RYR2: variants seen among roughly 807,000 people sequenced by gnomAD.
RYR2 encodes the protein cardiac muscle ryanodine receptor-calcium release channel.
In RYR2, 227 loss-of-function variants were observed where a neutral mutation model predicts 601.1. That is an observed-to-expected ratio of 0.38 (90% CI 0.34 to 0.42). The LOEUF is 0.42. Among genes scored for constraint, RYR2 ranks in the 10% least tolerant of loss-of-function variants. The pLI is 1.00. For synonymous variants in RYR2, 2,223 were observed against 2,175.1 expected (o/e 1.02, Z -0.61); for missense variants, 4,646 against 6,156.5 (o/e 0.75, Z 8.21).
chr1:237,209,516 T>TGTGTGTGTGTGTGTGTA (rs1260539665), intron 1 of RYR2, among the ~76,000 whole-genome samples: 1 of 148,106 alleles, frequency 6.8e-6, no homozygotes, highest in African/African-American at 2.5e-5. Flanking sequence ...TGTGTGTGTA[T>TGTGTGTGTGTGTGTGTA]TTTTTTTTTT....
intron 1 of RYR2, among the ~76,000 whole-genome samples, chr1:237,214,543 C>G (rs1012606325): frequency 6.6e-6 from 1 of 152,188 alleles, no homozygotes; most frequent in South Asian, 2.1e-4. Flanking sequence ...TGAGAACTCA[C>G]TCATTACTGC....
chr1:237,096,067 A>G (rs2148488695), intron 1 of RYR2, among the ~76,000 whole-genome samples: 1 of 152,320 alleles, frequency 6.6e-6, no homozygotes, highest in South Asian at 2.1e-4. Context: ...TGAAGGTCAT[A>G]GCCTCTGGGA....
Position 237,491,791 on chromosome 1 carries a change from T to A in RYR2, c.1709-15T>A, listed in dbSNP as rs1663379209. Reference sequence around the variant, plus strand: ...ATCATGTGTTTTTTTTCCTCTTTCTTTGTTTTATCTTTAGGCATTCTGGAA... The same window carrying A: ...ATCATGTGTTTTTTTTCCTCTTTCTATGTTTTATCTTTAGGCATTCTGGAA... On this transcript the variant is annotated splice_polypyrimidine_tract_variant and intron_variant, in intron 17 of 104. Transcript: ENST00000366574. 11 of 1,218,650 alleles carry A rather than the reference T, an allele frequency of 9.0e-6. No individual in the cohort carries two copies. The highest frequency in any genetic ancestry group is 1.3e-5 in the Non-Finnish European group (11 of 846,958). The allele number at this position is 1,218,650 out of a possible 1,614,324, so 75.5% of individuals were successfully genotyped here. A position where few individuals can be genotyped will look rare whatever the true frequency, so the allele number is the denominator to read the frequency against.
intron 1 of RYR2, among the ~76,000 whole-genome samples, chr1:237,103,877 T>C (rs538847586): frequency 1.3e-5 from 2 of 152,224 alleles, no homozygotes; most frequent in South Asian, 4.1e-4. Flanking sequence ...CCCCTGTCAA[T>C]TCTTTGAACA....
intron 43 of RYR2, among the ~76,000 whole-genome samples, chr1:237,634,557 A>G (rs1019405195): frequency 1.3e-5 from 2 of 152,194 alleles, no homozygotes; most frequent in African/African-American, 4.8e-5. Context: ...ACTATAGTTA[A>G]TAACAATGTA....
chr1:237,350,598 A>T (rs1397453768), intron 3 of RYR2, among the ~76,000 whole-genome samples: 1,502 of 82,578 alleles, frequency 0.018, 67 homozygotes, highest in African/African-American at 0.073. Context: ...AAAAAAAAAA[A>T]AAAAATATAT....
At chr1:237,314,395 C>T (rs1278250279) in intron 2 of RYR2, among the ~76,000 whole-genome samples, 1 of 152,126 alleles carries the variant, frequency 6.6e-6, no homozygotes, top group Non-Finnish European at 1.5e-5. Flanking sequence ...AATGCTTTCA[C>T]ATATCTCAAT....
chr1:237,411,662 C>T (rs530408513), intron 10 of RYR2, among the ~76,000 whole-genome samples: 2 of 152,174 alleles, frequency 1.3e-5, no homozygotes, highest in African/African-American at 4.8e-5. Context: ...TTCACAGTAA[C>T]CCAGTAAAAA....
chr1:237,262,244 A>ATTTTTTTT (rs1688596732), intron 1 of RYR2, among the ~76,000 whole-genome samples: 4 of 35,536 alleles, frequency 1.1e-4, no homozygotes, highest in Non-Finnish European at 2.3e-4. Flanking sequence ...TGTTCTAAAG[A>ATTTTTTTT]GTTTTTTTTT....
chr1:237,743,520 C>A (rs1260991297), intron 80 of RYR2: 2 of 506,170 alleles, frequency 4.0e-6, no homozygotes, highest in Non-Finnish European at 7.9e-6. Flanking sequence ...TTCTGAAGTG[C>A]ACAGCATTTA....
intron 11 of RYR2, among the ~76,000 whole-genome samples, chr1:237,421,670 G>A (rs1270359749): frequency 1.3e-5 from 2 of 152,120 alleles, no homozygotes; most frequent in Non-Finnish European, 2.9e-5. Flanking sequence ...TAATAAGTCT[G>A]TATGAACCCA....
intron 4 of RYR2, 72 bp downstream of exon 4, chr1:237,356,057 C>G: frequency 7.2e-7 from 1 of 1,389,550 alleles, no homozygotes; most frequent in Non-Finnish European, 1.0e-6. Flanking sequence ...TCTAATCTTT[C>G]ATTTTGCTTC....
chr1:237,394,178 G>A (rs1391218013), intron 10 of RYR2, among the ~76,000 whole-genome samples: 1 of 152,254 alleles, frequency 6.6e-6, no homozygotes, highest in African/African-American at 2.4e-5. Flanking sequence ...ATCTTCTTTT[G>A]TAAATTTCCA....
chr1:237,413,586 T>C (rs1704650434), intron 10 of RYR2, among the ~76,000 whole-genome samples: 1 of 152,154 alleles, frequency 6.6e-6, no homozygotes, highest in Admixed American at 6.6e-5. Flanking sequence ...TTACCTTATG[T>C]AATTGTTCCT....
chr1:237,770,982 G>C (rs541812630), intron 85 of RYR2, 95 bp downstream of exon 85: 4 of 661,798 alleles, frequency 6.0e-6, no homozygotes, highest in African/African-American at 5.5e-5. Flanking sequence ...ATTATGCATC[G>C]TTCTAGAGAC....
intron 1 of RYR2, among the ~76,000 whole-genome samples, chr1:237,207,558 GCTTCATGCAGC>G (rs1211664096): frequency 1.3e-5 from 2 of 152,158 alleles, no homozygotes; most frequent in Non-Finnish European, 2.9e-5. Flanking sequence ...AGAGCAGGAG[GCTTCATGCAGC>G]CTTCATCTTC....
intron 89 of RYR2, 38 bp downstream of exon 89, chr1:237,781,684 C>T: frequency 9.0e-7 from 1 of 1,113,416 alleles, no homozygotes; most frequent in Non-Finnish European, 1.3e-6. Context: ...TCTTTATTAT[C>T]TTATTTAAAG....
At chr1:237,222,371 C>T (rs530243342) in intron 1 of RYR2, among the ~76,000 whole-genome samples, 1 of 151,158 alleles carries the variant, frequency 6.6e-6, no homozygotes, top group South Asian at 2.1e-4. Flanking sequence ...CAATATCGCA[C>T]CACTGAACTC....
intron 16 of RYR2, among the ~76,000 whole-genome samples, chr1:237,459,312 C>G (rs928679173): frequency 1.3e-5 from 2 of 152,106 alleles, no homozygotes; most frequent in East Asian, 3.9e-4. Flanking sequence ...TGGCTGGATG[C>G]ATTGGCTCAT....
Sources: gnomAD v4.1 joint callset for allele counts (sites outside exome capture counted in the v4.1 genomes callset) on GRCh38, gnomAD v4.1.1 for gene constraint, MANE v1.5 for transcripts, NCBI Gene and HGNC (gene_info 2026-07-23, HGNC 2026-07-21) for gene names.